VPS13B: variants seen among roughly 807,000 people sequenced by gnomAD.
The protein encoded by VPS13B is vacuolar protein sorting 13 homolog B, also known as intermembrane lipid transfer protein VPS13B.
VPS13B carries 285 observed loss-of-function variants against 426.4 expected under a neutral mutation model. That is an observed-to-expected ratio of 0.67 (90% CI 0.61 to 0.74). The LOEUF (loss-of-function observed/expected upper bound fraction) is 0.74, where lower values mean the gene tolerates loss of function less well. VPS13B is among the 30% of genes least tolerant of loss of function. The pLI is 0.00. For missense variants in VPS13B, 4,537 were observed against 4,782.6 expected (o/e 0.95, Z 1.51); for synonymous variants, 1,676 against 1,676.4 (o/e 1.00, Z 0.01).
intron 8 of VPS13B, among the ~76,000 whole-genome samples, chr8:99,126,072 CT>C (rs1400457593): frequency 6.6e-6 from 1 of 151,956 alleles, no homozygotes; most frequent in Non-Finnish European, 1.5e-5. Context: ...GGCTTGGCAC[CT>C]CTTGTAGAGA....
At chr8:99,518,788 A>G (rs539862352) in intron 29 of VPS13B, among the ~76,000 whole-genome samples, 1 of 152,340 alleles carries the variant, frequency 6.6e-6, no homozygotes, top group East Asian at 1.9e-4. Flanking sequence ...CTGAAATAAT[A>G]TACTGGAAAT....
At position 99,458,847 on chromosome 8, in the gene VPS13B, A is replaced by T. The variant is rs376949358; in HGVS notation, c.3446-8567A>T. ...CTTTGTCAGATGAGTAGATTGCAAA[A>T]ATTTTCTCCCATGTTGTAGGTTGCC... On this transcript the variant is annotated intron_variant, in intron 23 of 61. Coordinates refer to ENST00000357162, the MANE Select transcript of VPS13B (RefSeq NM_152564.5). Among the ~76,000 whole-genome samples the T allele has an allele frequency of 3.0e-4, 46 of 152,108 alleles. No individual in the cohort carries two copies. In the East Asian group the frequency reaches 3.1e-3, roughly 10 times the overall value.
At chr8:99,763,976 A>G (rs1040264902) in intron 39 of VPS13B, among the ~76,000 whole-genome samples, 1 of 152,204 alleles carries the variant, frequency 6.6e-6, no homozygotes, top group African/African-American at 2.4e-5. Context: ...TTATTTCAAC[A>G]TTTAGTCCTG....
intron 17 of VPS13B, among the ~76,000 whole-genome samples, chr8:99,229,798 T>C (rs1467121206): frequency 6.6e-6 from 1 of 152,174 alleles, no homozygotes; most frequent in African/African-American, 2.4e-5. Context: ...AGTAAGAATT[T>C]TGGATTTTAT....
chr8:99,160,090 T>C (rs1811564689), intron 15 of VPS13B, among the ~76,000 whole-genome samples: 1 of 152,198 alleles, frequency 6.6e-6, no homozygotes, highest in Non-Finnish European at 1.5e-5. Flanking sequence ...ATTATTGTGA[T>C]ATTTGTTGTA....
intron 33 of VPS13B, among the ~76,000 whole-genome samples, chr8:99,632,698 C>T (rs572180322): frequency 2.0e-5 from 3 of 152,126 alleles, no homozygotes; most frequent in East Asian, 3.9e-4. Context: ...AAATATTTCT[C>T]TCTAACATCT....
chr8:99,060,614 C>CA (rs11413404), intron 3 of VPS13B, among the ~76,000 whole-genome samples: 110,109 of 148,502 alleles, frequency 0.74, 41,115 homozygotes, highest in South Asian at 0.86. Flanking sequence ...ATCTCAAAAA[C>CA]AAAAAAAAAA....
chr8:99,476,427 T>C (rs936109949), intron 24 of VPS13B, among the ~76,000 whole-genome samples: 3 of 151,600 alleles, frequency 2.0e-5, no homozygotes, highest in Non-Finnish European at 2.9e-5. Context: ...TTTTTTTCCA[T>C]ATGCAGTAAG....
intron 19 of VPS13B, among the ~76,000 whole-genome samples, chr8:99,308,954 T>C (rs555345086): frequency 6.6e-6 from 1 of 152,370 alleles, no homozygotes; most frequent in South Asian, 2.1e-4. Context: ...TTTTTTCATG[T>C]GTCTGTGGGC....
At chr8:99,511,002 C>T in intron 28 of VPS13B, 102 bp from the exon 29 acceptor site, 3 of 1,310,022 alleles carry the variant, frequency 2.3e-6, no homozygotes, top group South Asian at 2.5e-5. Context: ...TAGGGTAAGA[C>T]CAAGAGGTAA....
chr8:99,333,308 T>C (rs771811090), intron 19 of VPS13B, among the ~76,000 whole-genome samples: 8 of 151,834 alleles, frequency 5.3e-5, no homozygotes, highest in Non-Finnish European at 1.2e-4. Context: ...TAAACTTTAC[T>C]TTCTTTTAAT....
intron 39 of VPS13B, among the ~76,000 whole-genome samples, chr8:99,764,045 A>G (rs1208903796): frequency 6.6e-6 from 1 of 152,230 alleles, no homozygotes; most frequent in East Asian, 1.9e-4. Context: ...TCTGTTCATT[A>G]AAGAAGCTTT....
intron 40 of VPS13B, among the ~76,000 whole-genome samples, chr8:99,767,977 G>A (rs1811309909): frequency 6.6e-6 from 1 of 152,066 alleles, no homozygotes; most frequent in Non-Finnish European, 1.5e-5. Context: ...TTCAGTTTTT[G>A]CCTACTTAAC....
rs761079423 is a variant in VPS13B at position 99,854,207 on chromosome 8, T to A, written c.10818T>A (p.Leu3606=). 1.2e-6 allele frequency: 2 copies of A among 1,614,142 alleles called. No homozygotes were observed. Among genetic ancestry groups the A allele is most frequent in the Non-Finnish European group, 1.7e-6 (2 of 1,180,026 alleles). ...CCATCTTCACCACTGCGAGGCAGCT[T>A]GTGCACGCCCTGGCAATGCACTATG... The part of the protein sequence containing the change: ...RGPIFTTARQ[L]VHALAMHYAA... Residue 3606 remains leucine, a synonymous_variant, in exon 56 of 62, where the codon CTT becomes CTA. Coordinates refer to ENST00000357162, the MANE Select transcript of VPS13B (RefSeq NM_152564.5).
intron 33 of VPS13B, among the ~76,000 whole-genome samples, chr8:99,587,458 A>C (rs1367290945): frequency 2.6e-5 from 4 of 151,552 alleles, no homozygotes; most frequent in Non-Finnish European, 5.9e-5. Context: ...AAGTGTTCCT[A>C]TTTCTCCACA....
At chr8:99,015,669 C>T (rs1372489607) in intron 2 of VPS13B, among the ~76,000 whole-genome samples, 1 of 151,742 alleles carries the variant, frequency 6.6e-6, no homozygotes, top group East Asian at 2.0e-4. Flanking sequence ...TTTGGGAGGC[C>T]AAAGCAGGCA....
At chr8:99,314,835 TA>T (rs1821221838) in intron 19 of VPS13B, among the ~76,000 whole-genome samples, 1 of 152,228 alleles carries the variant, frequency 6.6e-6, no homozygotes, top group African/African-American at 2.4e-5. Flanking sequence ...AATTGTTAAA[TA>T]ATGTATCCTC....
intron 19 of VPS13B, among the ~76,000 whole-genome samples, chr8:99,325,247 G>C (rs534271187): frequency 6.6e-6 from 1 of 152,214 alleles, no homozygotes; most frequent in African/African-American, 2.4e-5. Context: ...CACTGTGCTC[G>C]GCCAAGATTC....
Position 99,717,335 on chromosome 8 carries a change from C to T in VPS13B, c.6619C>T (p.Pro2207Ser). Residue 2207 changes from proline (P) to serine (S), a missense_variant, in exon 37 of 62, where the codon CCA becomes TCA. By Grantham distance (74) the Pro-to-Ser change is moderately conservative. This residue lies in a region of VPS13B where 4,311 missense variants were observed against 4,474.3 expected (regional missense o/e 0.96). Coordinates refer to ENST00000357162, the MANE Select transcript of VPS13B (RefSeq NM_152564.5). ...GAATCCAGGCCCAGAACAATCCATA[C>T]CAAAAATATCCATTGACTTAAGAGG... ...SGNPGPEQSI[P>S]KISIDLRGGL... 3 of 1,613,920 alleles carry T rather than the reference C, an allele frequency of 1.9e-6. No homozygotes were observed. Among genetic ancestry groups the T allele is most frequent in the Non-Finnish European group, 2.5e-6 (3 of 1,179,920 alleles).
Sources: gnomAD v4.1 joint callset for allele counts (sites outside exome capture counted in the v4.1 genomes callset) on GRCh38, gnomAD v4.1.1 for gene constraint, gnomAD v4.1.1 regional missense constraint, MANE v1.5 for transcripts, NCBI Gene and HGNC (gene_info 2026-07-23, HGNC 2026-07-21) for gene names.